Variants in RGL1 observed in about 807,000 individuals in gnomAD.
The protein encoded by RGL1 is ral guanine nucleotide dissociation stimulator like 1.
In RGL1, 24 loss-of-function variants were observed where a neutral mutation model predicts 95.2. That is an observed-to-expected ratio of 0.25 (90% CI 0.18 to 0.35). The LOEUF (loss-of-function observed/expected upper bound fraction) is 0.35. Ranked by LOEUF, RGL1 falls within the 10% of genes least tolerant of loss-of-function variation. RGL1 has a pLI of 1.00. For synonymous variants in RGL1, 329 were observed against 344.9 expected (o/e 0.95, Z 0.51); for missense variants, 715 against 936.3 (o/e 0.76, Z 3.08).
chr1:183,697,692 T>G (rs1654335785), intron 1 of RGL1, among the ~76,000 whole-genome samples: 1 of 152,234 alleles, frequency 6.6e-6, no homozygotes, highest in South Asian at 2.1e-4. Flanking sequence ...CTGTCATTGG[T>G]TTTGTATGCT....
intron 1 of RGL1, among the ~76,000 whole-genome samples, chr1:183,670,520 G>T (rs190847237): frequency 7.7e-4 from 118 of 152,312 alleles, no homozygotes; most frequent in Non-Finnish European, 1.5e-3. Context: ...ACTTACAGTT[G>T]TCTTCACTGA....
intron 16 of RGL1, 130 bp from the exon 17 acceptor site, chr1:183,922,092 T>G: frequency 1.4e-6 from 1 of 731,792 alleles, no homozygotes; most frequent in Non-Finnish European, 2.3e-6. Flanking sequence ...TTGGTCCAGT[T>G]CCAATTCCAC....
At position 183,880,757 on chromosome 1, in the gene RGL1, A is replaced by T. The variant is rs375822271; in HGVS notation, c.567A>T (p.Gln189His). The change falls in exon 5 of 18, where the codon CAA (glutamine) becomes CAT (histidine). Residue 189 changes from glutamine (Q) to histidine (H), a missense_variant. Physicochemically the swap from Gln to His is conservative, Grantham distance 24 (BLOSUM62 0). This residue lies in a region of RGL1 where 381 missense variants were observed against 484.8 expected (regional missense o/e 0.79). Coordinates refer to ENST00000360851, the MANE Select transcript of RGL1 (RefSeq NM_001297671.3). ...GCTCTGACCCAGAAAGAAGAGCACA[A>T]AATCTTCTTGAGCAGTTTCAGAAGC... ...MPGSDPERRA[Q>H]NLLEQFQKQE... 4 of 1,613,862 alleles carry T rather than the reference A, an allele frequency of 2.5e-6. No individual in the cohort carries two copies. The highest frequency in any genetic ancestry group is 3.4e-6 in the Non-Finnish European group (4 of 1,179,858).
At chr1:183,808,061 C>A (rs1452965243) in intron 2 of RGL1, among the ~76,000 whole-genome samples, 1 of 152,172 alleles carries the variant, frequency 6.6e-6, no homozygotes, top group Non-Finnish European at 1.5e-5. Context: ...TCTAATGAGA[C>A]TGACTTTGCT....
At chr1:183,840,728 A>T (rs143422215) in intron 2 of RGL1, among the ~76,000 whole-genome samples, 345 of 150,546 alleles carry the variant, frequency 2.3e-3, no homozygotes, top group African/African-American at 8.0e-3. Flanking sequence ...AATAAATAAT[A>T]AATAAATAAA....
intron 2 of RGL1, among the ~76,000 whole-genome samples, chr1:183,826,101 T>A (rs1181833732): frequency 6.6e-6 from 1 of 151,540 alleles, no homozygotes; most frequent in African/African-American, 2.4e-5. Flanking sequence ...TTGCCCAGGC[T>A]GGAGTGCAGT....
chr1:183,735,125 T>C (rs565107043), intron 1 of RGL1, among the ~76,000 whole-genome samples: 1 of 152,146 alleles, frequency 6.6e-6, no homozygotes, highest in Non-Finnish European at 1.5e-5. Flanking sequence ...GGGGAGAAAG[T>C]ATGTGGTTTG....
intron 2 of RGL1, among the ~76,000 whole-genome samples, chr1:183,824,906 C>T (rs1662746727): frequency 6.6e-6 from 1 of 152,210 alleles, no homozygotes; most frequent in African/African-American, 2.4e-5. Flanking sequence ...TAATCACCCT[C>T]CGCCAAGGTT....
chr1:183,723,358 T>C (rs989255013), intron 1 of RGL1, among the ~76,000 whole-genome samples: 1 of 152,228 alleles, frequency 6.6e-6, no homozygotes, highest in Non-Finnish European at 1.5e-5. Flanking sequence ...GAAAATCAGT[T>C]GAGTGACCAC....
intron 1 of RGL1, among the ~76,000 whole-genome samples, chr1:183,650,500 A>ATGTG (rs1650659424): frequency 6.6e-6 from 1 of 152,126 alleles, no homozygotes; most frequent in African/African-American, 2.4e-5. Flanking sequence ...CCAACATCCC[A>ATGTG]CCACTGCACT....
At chr1:183,848,334 A>G (rs1371446097) in intron 3 of RGL1, among the ~76,000 whole-genome samples, 1 of 152,210 alleles carries the variant, frequency 6.6e-6, no homozygotes, top group Non-Finnish European at 1.5e-5. Flanking sequence ...GTATACATTG[A>G]TATTTACACA....
At chr1:183,636,405 C>T in exon 1 of RGL1, 1 of 382,378 alleles carries the variant, frequency 2.6e-6, no homozygotes, top group African/African-American at 2.1e-5. Context: ...CCCTTCTTGG[C>T]CAGCGGGAAG....
At chr1:183,774,350 C>A (rs374327721) in intron 2 of RGL1, among the ~76,000 whole-genome samples, 1 of 152,140 alleles carries the variant, frequency 6.6e-6, no homozygotes, top group African/African-American at 2.4e-5. Flanking sequence ...GCAAAAAGGG[C>A]ACTGCAGAAA....
chr1:183,916,806 G>A, intron 16 of RGL1, 105 bp downstream of exon 16: 1 of 1,310,998 alleles, frequency 7.6e-7, no homozygotes, highest in Non-Finnish European at 1.0e-6. Context: ...CTCAATATTA[G>A]CATATACATA....
intron 1 of RGL1, among the ~76,000 whole-genome samples, chr1:183,720,074 G>A (rs896023550): frequency 6.6e-6 from 1 of 151,850 alleles, no homozygotes; most frequent in Admixed American, 6.6e-5. Flanking sequence ...GGTAAAGGAT[G>A]GTAGAAAAAT....
chr1:183,720,847 T>C (rs1000029863), intron 1 of RGL1, among the ~76,000 whole-genome samples: 1 of 152,144 alleles, frequency 6.6e-6, no homozygotes, highest in Admixed American at 6.5e-5. Context: ...TATGTTTTGA[T>C]GAAAGAAAAG....
chr1:183,771,123 C>CT lies in RGL1; in HGVS notation c.132+28836dup, dbSNP rs574885972. On this transcript the variant is annotated intron_variant, in intron 2 of 18. Coordinates refer to the RGL1 transcript ENST00000304685. ...TCCAAGAGGATAAAATGAGATAGGA[C>CT]TTATTTCTAGAGTGCTTGGTCCTGT... Among the ~76,000 whole-genome samples, 95 of 152,254 alleles carry CT rather than the reference C, an allele frequency of 6.2e-4. 1 individual carries two copies. The highest frequency in any genetic ancestry group is 1.1e-3 in the Non-Finnish European group (78 of 68,006).
chr1:183,834,931 C>G (rs930643263), intron 2 of RGL1, among the ~76,000 whole-genome samples: 2 of 152,182 alleles, frequency 1.3e-5, no homozygotes, highest in African/African-American at 2.4e-5. Flanking sequence ...GATCCTCCCA[C>G]TTCAGCCTCC....
chr1:183,907,651 G>A (rs1363267419), intron 14 of RGL1, among the ~76,000 whole-genome samples: 2 of 152,158 alleles, frequency 1.3e-5, no homozygotes, highest in African/African-American at 4.8e-5. Flanking sequence ...TGTGCCAAGA[G>A]AGAACCCTTT....
Sources: allele counts gnomAD v4.1 joint callset (sites outside exome capture counted in the v4.1 genomes callset), GRCh38; gene constraint gnomAD v4.1.1; regional missense constraint gnomAD v4.1.1; transcripts MANE v1.5; gene names NCBI Gene and HGNC (gene_info 2026-07-23, HGNC 2026-07-21).